Variants in ATRNL1 observed in about 807,000 individuals in gnomAD.
ATRNL1 encodes attractin like 1.
In ATRNL1, 95 loss-of-function variants were observed where a neutral mutation model predicts 182.7. The ratio of observed to expected loss-of-function variants is 0.52; its 90% CI spans 0.44 to 0.62. ATRNL1 has a LOEUF of 0.62. Among genes scored for constraint, ATRNL1 ranks in the 20% least tolerant of loss-of-function variants. ATRNL1 has a pLI of 0.00. For synonymous variants in ATRNL1, 576 were observed against 568.3 expected (o/e 1.01, Z -0.19); for missense variants, 1,471 against 1,679.5 (o/e 0.88, Z 2.17).
rs149096065 is a variant in ATRNL1, at chr10:115,630,516, A to G, written c.3795+80980A>G. On this transcript the variant is annotated intron_variant, in intron 26 of 28. Transcript: ENST00000355044. ...CCAACAAATCTACTTCTGGGTATATATTCAAAGAAATTGAAATAAGTCTCT... is the reference window on the plus strand; with the variant it reads ...CCAACAAATCTACTTCTGGGTATATGTTCAAAGAAATTGAAATAAGTCTCT... Among the ~76,000 whole-genome samples, 54 of 151,898 alleles carry G rather than the reference A, an allele frequency of 3.6e-4. No homozygotes were observed. The East Asian group carries it at 6.2e-3, about 17-fold the overall frequency.
intron 15 of ATRNL1, among the ~76,000 whole-genome samples, chr10:115,297,106 G>A (rs1182120137): frequency 3.7e-5 from 5 of 133,356 alleles, no homozygotes; most frequent in African/African-American, 1.4e-4. Flanking sequence ...TATTGGTAAA[G>A]AGGCCAGAGA....
chr10:115,257,372 C>A (rs992687641), intron 10 of ATRNL1, among the ~76,000 whole-genome samples: 1 of 152,154 alleles, frequency 6.6e-6, no homozygotes, highest in Admixed American at 6.6e-5. Flanking sequence ...GATCCCTTTA[C>A]CATTATGTAT....
At chr10:115,511,497 T>C (rs1850384375) in intron 24 of ATRNL1, among the ~76,000 whole-genome samples, 2 of 152,042 alleles carry the variant, frequency 1.3e-5, no homozygotes, top group South Asian at 2.1e-4. Flanking sequence ...CACATTCTTT[T>C]ATATTACATT....
intron 19 of ATRNL1, among the ~76,000 whole-genome samples, chr10:115,369,785 G>T (rs1388991008): frequency 6.6e-6 from 1 of 152,132 alleles, no homozygotes; most frequent in African/African-American, 2.4e-5. Context: ...ATGTGAGGTG[G>T]TATCTCACTA....
chr10:115,340,757 A>G lies in ATRNL1; in HGVS notation c.3175+6338A>G, dbSNP rs1350369710. Among the ~76,000 whole-genome samples, 3 of 151,784 alleles carry G rather than the reference A, an allele frequency of 2.0e-5. No individual in the cohort carries two copies. The East Asian group carries it at 5.8e-4, about 29-fold the overall frequency. ...GATTTCTTCCCAGTTCAATCTCGGTAGGTTGTATCTGTGTAGGAATTTTTT... is the reference window on the plus strand; with the variant it reads ...GATTTCTTCCCAGTTCAATCTCGGTGGGTTGTATCTGTGTAGGAATTTTTT... On this transcript the variant is annotated intron_variant, in intron 19 of 28. Transcript: ENST00000355044.
intron 24 of ATRNL1, among the ~76,000 whole-genome samples, chr10:115,517,645 A>G (rs958610915): frequency 1.3e-5 from 2 of 151,694 alleles, no homozygotes; most frequent in Non-Finnish European, 3.0e-5. Flanking sequence ...CCCCCTTTTC[A>G]TTTAGGTATT....
chr10:115,612,006 G>A (rs1012839923), intron 26 of ATRNL1, among the ~76,000 whole-genome samples: 2 of 152,030 alleles, frequency 1.3e-5, no homozygotes, highest in Non-Finnish European at 2.9e-5. Context: ...ATTCCAGCAC[G>A]CTGGGAGGCC....
At chr10:115,358,021 T>C (rs771975369) in intron 19 of ATRNL1, among the ~76,000 whole-genome samples, 2 of 151,698 alleles carry the variant, frequency 1.3e-5, no homozygotes, top group Non-Finnish European at 3.0e-5. Context: ...GGCTCTGCAC[T>C]ATCTATGATA....
chr10:115,913,426 TG>T (rs1452972789), intron 28 of ATRNL1, among the ~76,000 whole-genome samples: 2 of 152,202 alleles, frequency 1.3e-5, no homozygotes, highest in Non-Finnish European at 2.9e-5. Context: ...TTTTGTCACA[TG>T]CCAGTTGCAA....
At chr10:115,426,553 A>C (rs1372566764) in intron 21 of ATRNL1, among the ~76,000 whole-genome samples, 2 of 152,060 alleles carry the variant, frequency 1.3e-5, no homozygotes, top group Non-Finnish European at 2.9e-5. Flanking sequence ...ATAGAACTTG[A>C]GTAAACTCAT....
At chr10:115,258,943 G>A (rs560441042) in intron 10 of ATRNL1, among the ~76,000 whole-genome samples, 41 of 152,252 alleles carry the variant, frequency 2.7e-4, no homozygotes, top group Non-Finnish European at 5.3e-4. Flanking sequence ...TATCACCAGC[G>A]GAGGCTGCAG....
chr10:115,777,356 T>A (rs949184673), intron 27 of ATRNL1, among the ~76,000 whole-genome samples: 1 of 152,230 alleles, frequency 6.6e-6, no homozygotes, highest in Admixed American at 6.5e-5. Context: ...CCTTGAAAAA[T>A]TCTTCTAAAA....
At chr10:115,801,792 A>C (rs1555084418) in intron 27 of ATRNL1, among the ~76,000 whole-genome samples, 1 of 152,156 alleles carries the variant, frequency 6.6e-6, no homozygotes, top group Admixed American at 6.5e-5. Flanking sequence ...TGTCCCTTTC[A>C]GAAACTTTTT....
At chr10:115,198,731 C>T (rs1664294089) in intron 8 of ATRNL1, among the ~76,000 whole-genome samples, 1 of 151,996 alleles carries the variant, frequency 6.6e-6, no homozygotes, top group Non-Finnish European at 1.5e-5. Flanking sequence ...TGTGGATATC[C>T]AGTTTTCCTA....
intron 27 of ATRNL1, among the ~76,000 whole-genome samples, chr10:115,818,531 A>G (rs1408411014): frequency 1.3e-5 from 2 of 152,176 alleles, no homozygotes; most frequent in Non-Finnish European, 2.9e-5. Flanking sequence ...AGTCATTAAT[A>G]TGATGCGACT....
intron 26 of ATRNL1, among the ~76,000 whole-genome samples, chr10:115,602,154 G>T (rs1274559146): frequency 2.6e-5 from 4 of 152,112 alleles, no homozygotes; most frequent in African/African-American, 9.6e-5. Flanking sequence ...AGGAGTTCGA[G>T]ACCAGCCTGG....
intron 5 of ATRNL1, among the ~76,000 whole-genome samples, chr10:115,147,403 C>T (rs1258866868): frequency 6.6e-6 from 1 of 152,082 alleles, no homozygotes; most frequent in Non-Finnish European, 1.5e-5. Context: ...AATATTTTCT[C>T]CCATCCTGCA....
At chr10:115,802,597 T>C (rs1949823556) in intron 27 of ATRNL1, among the ~76,000 whole-genome samples, 1 of 152,210 alleles carries the variant, frequency 6.6e-6, no homozygotes, top group Admixed American at 6.5e-5. Flanking sequence ...AATATGTTGG[T>C]GAACAAATCT....
intron 26 of ATRNL1, among the ~76,000 whole-genome samples, chr10:115,666,773 A>C (rs781859645): frequency 1.3e-5 from 2 of 152,122 alleles, no homozygotes; most frequent in Non-Finnish European, 2.9e-5. Flanking sequence ...AAACAGCATA[A>C]ATATAAAGCA....
Sources: allele counts gnomAD v4.1 joint callset (sites outside exome capture counted in the v4.1 genomes callset), GRCh38; gene constraint gnomAD v4.1.1; transcripts MANE v1.5; gene names NCBI Gene and HGNC (gene_info 2026-07-23, HGNC 2026-07-21).